Variants in GSE1 observed in about 807,000 individuals in gnomAD.
GSE1 encodes the protein genetic suppressor element 1.
In GSE1, 32 loss-of-function variants were observed where a neutral mutation model predicts 112.6. The ratio of observed to expected loss-of-function variants is 0.28; its 90% CI spans 0.21 to 0.38. GSE1 has a LOEUF of 0.38. GSE1 is among the 10% of genes least tolerant of loss of function. GSE1 has a pLI of 1.00. For synonymous variants in GSE1, 1,115 were observed against 735.6 expected (o/e 1.52, Z -8.35); for missense variants, 2,348 against 1,699.2 (o/e 1.38, Z -6.71).
chr16:85,662,796 C>T, intron 9 of GSE1, 185 bp from the exon 10 acceptor site: 1 of 574,200 alleles, frequency 1.7e-6, no homozygotes, highest in Non-Finnish European at 3.1e-6. Flanking sequence ...GTCTGCGGTC[C>T]TGCAAAGCCC....
intron 2 of GSE1, among the ~76,000 whole-genome samples, chr16:85,397,234 T>C (rs941717896): frequency 2.6e-5 from 4 of 152,210 alleles, no homozygotes; most frequent in Non-Finnish European, 5.9e-5. Context: ...TCTCCCCTTT[T>C]GCATTGGGGG....
chr16:85,648,091 G>A (rs528789858), intron 2 of GSE1, among the ~76,000 whole-genome samples: 2 of 152,112 alleles, frequency 1.3e-5, no homozygotes, highest in East Asian at 3.9e-4. Context: ...CAGCTGGCCT[G>A]TGTGTCCTGG....
At chr16:85,622,831 G>T (rs567168980) in intron 1 of GSE1, among the ~76,000 whole-genome samples, 3 of 152,316 alleles carry the variant, frequency 2.0e-5, no homozygotes, top group East Asian at 3.9e-4. Context: ...TGGAGTTACC[G>T]TGTCGATGAC....
At chr16:85,582,681 A>G (rs2046501934) in intron 1 of GSE1, among the ~76,000 whole-genome samples, 1 of 152,022 alleles carries the variant, frequency 6.6e-6, no homozygotes, top group Non-Finnish European at 1.5e-5. Flanking sequence ...GTGTTGATAA[A>G]TTGAGCTTCT....
chr16:85,489,593 C>T (rs2050947617), intron 2 of GSE1, among the ~76,000 whole-genome samples: 2 of 150,988 alleles, frequency 1.3e-5, no homozygotes, highest in African/African-American at 4.9e-5. Context: ...ACCCCACAAG[C>T]CGTGCTTCAT....
intron 1 of GSE1, among the ~76,000 whole-genome samples, chr16:85,343,520 A>G (rs9940945): frequency 0.34 from 52,174 of 152,110 alleles, 9,738 homozygotes; most frequent in Admixed American, 0.44. Flanking sequence ...AGGTTGAAGC[A>G]GGAAGGTCGC....
intron 15 of GSE1, 75 bp from the exon 16 acceptor site, chr16:85,672,330 A>G (rs755058285): frequency 3.7e-5 from 40 of 1,094,936 alleles, no homozygotes; most frequent in Non-Finnish European, 5.2e-5. Flanking sequence ...CCTTCCATCC[A>G]GCATGTTTGT....
intron 1 of GSE1, among the ~76,000 whole-genome samples, chr16:85,630,289 G>C (rs940602643): frequency 3.9e-5 from 6 of 152,166 alleles, no homozygotes; most frequent in African/African-American, 9.7e-5. Context: ...TCTGGCCCAC[G>C]CTTGGGGAAG....
chr16:85,560,908 C>CACTT (rs1488342668), intron 1 of GSE1, among the ~76,000 whole-genome samples: 1 of 152,102 alleles, frequency 6.6e-6, no homozygotes, highest in Non-Finnish European at 1.5e-5. Flanking sequence ...GTGGGTGGAT[C>CACTT]ACTTGAGCCC....
At chr16:85,558,196 C>T (rs1480894838) in intron 1 of GSE1, among the ~76,000 whole-genome samples, 1 of 152,196 alleles carries the variant, frequency 6.6e-6, no homozygotes, top group Non-Finnish European at 1.5e-5. Context: ...TGACATTCAT[C>T]AGAGCCCTTT....
At chr16:85,665,626 T>A (rs962277247) in intron 12 of GSE1, among the ~76,000 whole-genome samples, 1 of 152,248 alleles carries the variant, frequency 6.6e-6, no homozygotes, top group African/African-American at 2.4e-5. Context: ...CCCTGTCAGA[T>A]GTCAGAGGGA....
At chr16:85,637,397 C>T (rs1025778045) in intron 2 of GSE1, among the ~76,000 whole-genome samples, 1 of 152,238 alleles carries the variant, frequency 6.6e-6, no homozygotes, top group African/African-American at 2.4e-5. Context: ...CCCGCAGCTG[C>T]CTTTCTGCTC....
At chr16:85,515,489 C>T (rs1040514412) in intron 2 of GSE1, among the ~76,000 whole-genome samples, 5 of 152,042 alleles carry the variant, frequency 3.3e-5, no homozygotes, top group African/African-American at 7.2e-5. Flanking sequence ...AGCGGGTGGG[C>T]GGAGGGACGT....
chr16:85,624,732 TAAAC>T (rs2048957210), intron 1 of GSE1, among the ~76,000 whole-genome samples: 1 of 152,102 alleles, frequency 6.6e-6, no homozygotes, highest in Non-Finnish European at 1.5e-5. Context: ...CTGTGTGGAA[TAAAC>T]AGGTGGAGAG....
chr16:85,636,352 T>C (rs1004414260), intron 2 of GSE1, among the ~76,000 whole-genome samples: 2 of 152,142 alleles, frequency 1.3e-5, no homozygotes, highest in East Asian at 1.9e-4. Flanking sequence ...TGGAGCAGTG[T>C]TTGGGTCCTG....
intron 1 of GSE1, among the ~76,000 whole-genome samples, chr16:85,259,793 C>T (rs1907478862): frequency 6.6e-6 from 1 of 152,204 alleles, no homozygotes; most frequent in South Asian, 2.1e-4. Flanking sequence ...TGCACGACAT[C>T]CTGCAGTGAT....
At chr16:85,375,259 C>A (rs184676781) in intron 2 of GSE1, among the ~76,000 whole-genome samples, 5 of 152,312 alleles carry the variant, frequency 3.3e-5, no homozygotes, top group African/African-American at 1.2e-4. Context: ...AGTGTCACCT[C>A]CCAGGCCCCA....
intron 2 of GSE1, among the ~76,000 whole-genome samples, chr16:85,444,070 C>T (rs952626200): frequency 1.3e-5 from 2 of 150,856 alleles, no homozygotes; most frequent in Non-Finnish European, 3.0e-5. Context: ...CTGCGACCTC[C>T]GCCTCCCGGG....
chr16:85,612,775 A>G (rs1002703855), upstream of GSE1, among the ~76,000 whole-genome samples: 8 of 152,102 alleles, frequency 5.3e-5, no homozygotes, highest in Non-Finnish European at 1.0e-4. Flanking sequence ...GCGCCCAGAA[A>G]GTTGTTCTCC....
Sources: allele counts gnomAD v4.1 joint callset (sites outside exome capture counted in the v4.1 genomes callset), GRCh38; gene constraint gnomAD v4.1.1; transcripts MANE v1.5; gene names NCBI Gene and HGNC (gene_info 2026-07-23, HGNC 2026-07-21).